WWOX: variants seen among roughly 807,000 people sequenced by gnomAD.
WWOX encodes the protein WW domain containing oxidoreductase.
A neutral mutation model predicts 46.2 loss-of-function variants in WWOX; 69 were observed. The ratio of observed to expected loss-of-function variants is 1.49; its 90% CI spans 1.23 to 1.82. The LOEUF is 1.82. Among genes scored for constraint, WWOX ranks in the 40% most tolerant of loss-of-function variants. The pLI is 0.00. For missense variants in WWOX, 919 were observed against 542.6 expected, an observed-to-expected ratio of 1.69 and a Z score of -6.89; for synonymous variants, 359 against 202.6, an observed-to-expected ratio of 1.77 and a Z score of -6.56.
intron 8 of WWOX, among the ~76,000 whole-genome samples, chr16:78,798,167 C>A (rs1345032064): frequency 2.0e-5 from 3 of 152,130 alleles, no homozygotes; most frequent in East Asian, 3.8e-4. Flanking sequence ...GGTCATGATA[C>A]CAAAGCCACG....
At chr16:78,532,884 A>T (rs538926395) in intron 8 of WWOX, among the ~76,000 whole-genome samples, 1 of 152,298 alleles carries the variant, frequency 6.6e-6, no homozygotes, top group South Asian at 2.1e-4. Flanking sequence ...ACACAGCCAA[A>T]CCATATCAAA....
intron 8 of WWOX, among the ~76,000 whole-genome samples, chr16:79,122,453 T>A (rs1385065538): frequency 6.6e-6 from 1 of 152,052 alleles, no homozygotes; most frequent in Non-Finnish European, 1.5e-5. Flanking sequence ...CTTCTTTCTT[T>A]TTCTTCTTTT....
At chr16:78,733,084 G>A (rs1039115258) in intron 8 of WWOX, among the ~76,000 whole-genome samples, 4 of 151,798 alleles carry the variant, frequency 2.6e-5, no homozygotes, top group African/African-American at 7.3e-5. Context: ...CCAAACTTCC[G>A]CCTTTTTTGT....
chr16:78,467,730 C>T lies in WWOX; in HGVS notation c.1056+34978C>T, dbSNP rs560536359. Among the ~76,000 whole-genome samples, 6 of 152,280 alleles carry T rather than the reference C, an allele frequency of 3.9e-5. No homozygotes were observed. In the South Asian group the frequency reaches 1.0e-3, roughly 26 times the overall value. On this transcript the variant is annotated intron_variant, in intron 8 of 8. Transcript: ENST00000566780. ...TTCAGAAGTATAAGGAAAAAGGGGA[C>T]TGAAATTAGTGCTGATAAAAGCTTG... is the stretch of plus-strand genomic sequence containing the variant.
chr16:78,160,442 A>G (rs374528444), intron 4 of WWOX, among the ~76,000 whole-genome samples: 2 of 152,222 alleles, frequency 1.3e-5, no homozygotes, highest in East Asian at 3.9e-4. Context: ...TAATATATGT[A>G]GTTAAGGCTA....
chr16:78,320,733 C>T (rs2080449483), intron 5 of WWOX, among the ~76,000 whole-genome samples: 1 of 152,160 alleles, frequency 6.6e-6, no homozygotes, highest in Non-Finnish European at 1.5e-5. Context: ...TGGTTATTGA[C>T]AAATGATCCA....
At chr16:79,080,217 C>A (rs1010644790) in intron 8 of WWOX, among the ~76,000 whole-genome samples, 1 of 152,152 alleles carries the variant, frequency 6.6e-6, no homozygotes, top group African/African-American at 2.4e-5. Flanking sequence ...CACAGCCAAG[C>A]CTTGGGAGGG....
chr16:78,409,631 T>G (rs1020849212), intron 6 of WWOX, among the ~76,000 whole-genome samples: 3 of 152,218 alleles, frequency 2.0e-5, no homozygotes, highest in Non-Finnish European at 4.4e-5. Context: ...CACAAACTTA[T>G]GTGCTTAAAA....
At chr16:78,514,399 G>T (rs1284676763) in intron 8 of WWOX, among the ~76,000 whole-genome samples, 1 of 152,174 alleles carries the variant, frequency 6.6e-6, no homozygotes. Flanking sequence ...CTCCTTGGCA[G>T]GTTTTCACTA....
At chr16:78,768,692 T>A (rs1031865680) in intron 8 of WWOX, among the ~76,000 whole-genome samples, 1 of 152,132 alleles carries the variant, frequency 6.6e-6, no homozygotes, top group Non-Finnish European at 1.5e-5. Flanking sequence ...TTGGGGAGTG[T>A]AGTTTGTCAC....
At chr16:79,010,457 T>C (rs28688166) in intron 8 of WWOX, among the ~76,000 whole-genome samples, 37,902 of 152,070 alleles carry the variant, frequency 0.25, 6,183 homozygotes, top group African/African-American at 0.46. Flanking sequence ...AGGGCATCCC[T>C]GACCAATCCA....
chr16:78,247,773 C>G (rs1193357948), intron 5 of WWOX, among the ~76,000 whole-genome samples: 2 of 152,118 alleles, frequency 1.3e-5, no homozygotes, highest in African/African-American at 4.8e-5. Flanking sequence ...TCCACTTGTT[C>G]CCTTACCTTT....
intron 8 of WWOX, among the ~76,000 whole-genome samples, chr16:78,774,188 G>A (rs1421783708): frequency 1.3e-5 from 2 of 152,122 alleles, no homozygotes; most frequent in Admixed American, 1.3e-4. Context: ...AGATCATGAG[G>A]TCAGGAGATG....
chr16:79,056,108 C>T (rs971067323), intron 8 of WWOX, among the ~76,000 whole-genome samples: 3 of 151,912 alleles, frequency 2.0e-5, no homozygotes, highest in Admixed American at 6.6e-5. Flanking sequence ...AACCACTATC[C>T]CCATTAAATT....
chr16:78,889,688 C>A (rs1049127050), intron 8 of WWOX, among the ~76,000 whole-genome samples: 3 of 152,132 alleles, frequency 2.0e-5, no homozygotes, highest in Non-Finnish European at 4.4e-5. Context: ...AGCAAACTCT[C>A]AGTGTGGGCA....
intron 8 of WWOX, among the ~76,000 whole-genome samples, chr16:78,631,184 C>T (rs1197505104): frequency 6.6e-6 from 1 of 152,132 alleles, no homozygotes; most frequent in Non-Finnish European, 1.5e-5. Flanking sequence ...TTGAACCAGT[C>T]CCCTTTGGAT....
At chr16:78,569,709 C>T (rs1231459344) in intron 8 of WWOX, among the ~76,000 whole-genome samples, 4 of 152,148 alleles carry the variant, frequency 2.6e-5, no homozygotes, top group African/African-American at 4.8e-5. Context: ...CCTGCAATAA[C>T]GATACTAATT....
intron 6 of WWOX, among the ~76,000 whole-genome samples, chr16:78,423,990 T>A (rs1034234399): frequency 6.6e-6 from 1 of 152,034 alleles, no homozygotes; most frequent in Admixed American, 6.6e-5. Context: ...CATGTGCCCT[T>A]CTCTTTACAC....
chr16:78,292,766 G>C (rs1010126611), intron 5 of WWOX, among the ~76,000 whole-genome samples: 4 of 152,170 alleles, frequency 2.6e-5, no homozygotes, highest in Admixed American at 6.5e-5. Context: ...GGGCTTCGTA[G>C]AAGAGCCAAA....
Sources: allele counts gnomAD v4.1 joint callset (sites outside exome capture counted in the v4.1 genomes callset), GRCh38; gene constraint gnomAD v4.1.1; transcripts MANE v1.5; gene names NCBI Gene and HGNC (gene_info 2026-07-23, HGNC 2026-07-21).